The following DNAH6 variants were observed in gnomAD, a reference collection of about 807,000 sequenced individuals.
The protein encoded by DNAH6 is dynein axonemal heavy chain 6.
Under a neutral mutation model 491.4 loss-of-function variants are expected in DNAH6, and 340 were observed. That is an observed-to-expected ratio of 0.69 (90% CI 0.63 to 0.76). DNAH6 has a LOEUF of 0.76. Ranked by LOEUF, DNAH6 falls within the 30% of genes least tolerant of loss-of-function variation. The pLI is 0.00. For synonymous variants in DNAH6, 1,603 were observed against 1,686.1 expected (o/e 0.95, Z 1.21); for missense variants, 4,443 against 4,972.2 (o/e 0.89, Z 3.20).
intron 47 of DNAH6, among the ~76,000 whole-genome samples, chr2:84,698,463 A>G (rs1695593565): frequency 6.6e-6 from 1 of 152,228 alleles, no homozygotes; most frequent in Non-Finnish European, 1.5e-5. Flanking sequence ...GTAGAAGTCA[A>G]TGGTCAAGGA....
At chr2:84,500,100 T>C in the DNAH6 span, among the ~76,000 whole-genome samples, 275 of 152,312 alleles carry the variant, frequency 1.8e-3, no homozygotes, top group African/African-American at 6.4e-3. Flanking sequence ...AAGAAATGTT[T>C]TTTCCGAGAC....
intron 42 of DNAH6, among the ~76,000 whole-genome samples, chr2:84,683,894 T>A (rs1694046197): frequency 6.6e-6 from 1 of 152,204 alleles, no homozygotes; most frequent in Non-Finnish European, 1.5e-5. Context: ...CATTACCTGT[T>A]GTGCATTAAC....
rs1380430863 is a variant in DNAH6 at position 84,710,319 on chromosome 2, A to C, written c.9285A>C (p.Lys3095Asn). 1.3e-6 allele frequency: 2 copies of C among 1,551,570 alleles called. No individual in the cohort carries two copies. The highest frequency in any genetic ancestry group is 1.7e-6 in the Non-Finnish European group (2 of 1,146,970). ...GTTGGATAAGGAACAAGGAAAGCAA[A>C]AGTGGTTTAAAGATCATTAAGCTTA... ...ANRWIRNKES[K>N]SGLKIIKLTD... Residue 3095 changes from lysine (K) to asparagine (N), a missense_variant, in exon 56 of 77, where the codon AAA becomes AAC. Coordinates refer to ENST00000389394, the MANE Select transcript of DNAH6 (RefSeq NM_001370.2).
At chr2:84,645,256 C>T (rs1206817430) in intron 33 of DNAH6, among the ~76,000 whole-genome samples, 1 of 151,920 alleles carries the variant, frequency 6.6e-6, no homozygotes, top group Non-Finnish European at 1.5e-5. Flanking sequence ...CCTGTCTGTA[C>T]TAAAAATACA....
In DNAH6 at chr2:84,713,116, G is replaced by T. The variant is rs368254114; in HGVS notation, c.9400G>T (p.Ala3134Ser). The T allele has an allele frequency of 1.7e-4, 259 of 1,551,522 alleles. No individual in the cohort carries two copies. The highest frequency in any genetic ancestry group is 2.7e-4 in the Admixed American group (14 of 50,980). Residue 3134 changes from alanine to serine, a missense_variant, in exon 57 of 77, where the codon GCT (alanine) becomes TCT (serine). Physicochemically the swap from Ala to Ser is moderately conservative, Grantham distance 99 (BLOSUM62 1). Coordinates refer to ENST00000389394, the MANE Select transcript of DNAH6 (RefSeq NM_001370.2). ...TAAGCTTAAGGAAACCTTGGATCCA[G>T]CTCTAGAACCCATTCTTTTGAAACA... ...LEELKETLDP[A>S]LEPILLKQIF... is the part of the protein sequence containing the mutation.
chr2:84,533,982 A>G (rs2104471930), intron 4 of DNAH6, among the ~76,000 whole-genome samples: 1 of 152,212 alleles, frequency 6.6e-6, no homozygotes, highest in East Asian at 1.9e-4. Flanking sequence ...CTGTGTGTGA[A>G]CCCTCATCTG....
the DNAH6 span, among the ~76,000 whole-genome samples, chr2:84,463,689 G>A: frequency 6.6e-6 from 1 of 152,206 alleles, no homozygotes; most frequent in Non-Finnish European, 1.5e-5. Flanking sequence ...CAGTCTGGGT[G>A]GCTGGTGTGT....
chr2:84,812,599 G>A, intron 73 of DNAH6, 73 bp downstream of exon 73: 1 of 1,230,890 alleles, frequency 8.1e-7, no homozygotes, highest in Non-Finnish European at 1.1e-6. Flanking sequence ...AGGAAGCACT[G>A]GCTAAAGATA....
At chr2:84,776,540 G>A (rs1200433086) in intron 64 of DNAH6, among the ~76,000 whole-genome samples, 2 of 152,214 alleles carry the variant, frequency 1.3e-5, no homozygotes, top group Non-Finnish European at 2.9e-5. Context: ...ACAGTGAAAT[G>A]ATCTGACATC....
chr2:84,590,222 G>A (rs1318734625), intron 16 of DNAH6, among the ~76,000 whole-genome samples: 1 of 152,056 alleles, frequency 6.6e-6, no homozygotes, highest in South Asian at 2.1e-4. Context: ...TTGGCTGGGC[G>A]CAGTGGCTCA....
chr2:84,736,233 T>C (rs1464954320), intron 62 of DNAH6, among the ~76,000 whole-genome samples: 1 of 152,136 alleles, frequency 6.6e-6, no homozygotes, highest in African/African-American at 2.4e-5. Flanking sequence ...ACCATGTTGG[T>C]TTGGTTACTG....
At chr2:84,786,389 C>T (rs908809805) in intron 67 of DNAH6, among the ~76,000 whole-genome samples, 36 of 144,390 alleles carry the variant, frequency 2.5e-4, no homozygotes, top group Non-Finnish European at 1.6e-4. Flanking sequence ...TGTGCCACTG[C>T]ACTCTAGCCT....
intron 67 of DNAH6, among the ~76,000 whole-genome samples, chr2:84,786,008 G>C (rs1277442050): frequency 6.6e-6 from 1 of 152,116 alleles, no homozygotes; most frequent in African/African-American, 2.4e-5. Context: ...GTTCAATTCA[G>C]TTCAACAAGC....
At chr2:84,777,079 A>G (rs185419366) in intron 64 of DNAH6, among the ~76,000 whole-genome samples, 152 of 152,270 alleles carry the variant, frequency 1.0e-3, no homozygotes, top group Middle Eastern at 3.4e-3. Flanking sequence ...GAAACATCAC[A>G]TACTGGGGCC....
chr2:84,584,784 C>T (rs1043058072), intron 15 of DNAH6: 2 of 152,696 alleles, frequency 1.3e-5, no homozygotes, highest in African/African-American at 4.8e-5. Flanking sequence ...ATTCATACAA[C>T]AAACCCCCAT....
chr2:84,626,898 G>A (rs765991490), intron 29 of DNAH6, among the ~76,000 whole-genome samples: 7 of 152,252 alleles, frequency 4.6e-5, no homozygotes, highest in African/African-American at 1.7e-4. Flanking sequence ...GAGCCACCGC[G>A]CCCGGCCAGA....
intron 30 of DNAH6, among the ~76,000 whole-genome samples, chr2:84,636,144 G>A (rs756530581): frequency 3.9e-5 from 6 of 152,034 alleles, no homozygotes; most frequent in Non-Finnish European, 5.9e-5. Context: ...TGCCAATTTT[G>A]ATCCTATCAC....
At chr2:84,710,639 C>T (rs1696948162) in intron 56 of DNAH6, among the ~76,000 whole-genome samples, 1 of 152,194 alleles carries the variant, frequency 6.6e-6, no homozygotes, top group African/African-American at 2.4e-5. Flanking sequence ...AGAGGGCTGG[C>T]CTCTGTTTCC....
intron 72 of DNAH6, among the ~76,000 whole-genome samples, chr2:84,809,860 G>A (rs1394482846): frequency 6.6e-6 from 1 of 152,146 alleles, no homozygotes; most frequent in Non-Finnish European, 1.5e-5. Context: ...TTATAAAAAT[G>A]TGATCCAGTG....
Sources: allele counts gnomAD v4.1 joint callset (sites outside exome capture counted in the v4.1 genomes callset), GRCh38; gene constraint gnomAD v4.1.1; transcripts MANE v1.5; gene names NCBI Gene and HGNC (gene_info 2026-07-23, HGNC 2026-07-21).